The following CAMK2A variants were observed in gnomAD, a reference collection of about 807,000 sequenced individuals.
CAMK2A encodes calcium/calmodulin-dependent protein kinase type II subunit alpha.
A neutral mutation model predicts 79.2 loss-of-function variants in CAMK2A; 7 were observed. The observed-to-expected ratio is 0.09, with a 90% CI of 0.05 to 0.17. The LOEUF is 0.17. Among genes scored for constraint, CAMK2A ranks in the 10% least tolerant of loss-of-function variants. The pLI is 1.00. For synonymous variants in CAMK2A, 242 were observed against 251.7 expected, an observed-to-expected ratio of 0.96 and a Z score of 0.36; for missense variants, 214 against 646.4, an observed-to-expected ratio of 0.33 and a Z score of 7.25.
chr5:150,252,655 A>G (rs189021397), intron 7 of CAMK2A, among the ~76,000 whole-genome samples: 27 of 152,336 alleles, frequency 1.8e-4, no homozygotes, highest in African/African-American at 6.5e-4. Flanking sequence ...AGTTCAAATA[A>G]TGGACACCTG....
chr5:150,260,511 T>C (rs1193683312), intron 3 of CAMK2A, among the ~76,000 whole-genome samples: 2 of 151,590 alleles, frequency 1.3e-5, no homozygotes, highest in African/African-American at 4.8e-5. Flanking sequence ...TTTTGGTGTG[T>C]AGAATCTGGC....
chr5:150,251,681 G>T, intron 9 of CAMK2A, 69 bp downstream of exon 9: 1 of 1,232,094 alleles, frequency 8.1e-7, no homozygotes, highest in Non-Finnish European at 1.1e-6. Flanking sequence ...CTAGAGAGTG[G>T]CTTGGCGCTG....
intron 1 of CAMK2A, among the ~76,000 whole-genome samples, chr5:150,279,873 C>A (rs919608454): frequency 1.3e-5 from 2 of 152,238 alleles, no homozygotes; most frequent in South Asian, 2.1e-4. Context: ...TGCTTTCTAG[C>A]TGCCTGGCAG....
rs373285975 is a variant in CAMK2A at position 150,289,664 on chromosome 5, G to T, written c.-39C>A. 9 of 1,554,776 alleles carry T rather than the reference G, an allele frequency of 5.8e-6. No homozygotes were observed. The African/African-American group carries it at 1.1e-4, about 19-fold the overall frequency. ...AGGCAGGTGAGGCTTGGGACTGGGG[G>T]ACCAGGACTGAGGCGCTGCTGCTCT... On this transcript the variant is annotated 5_prime_UTR_variant, in exon 1 of 19. Coordinates refer to ENST00000671881, the MANE Select transcript of CAMK2A (RefSeq NM_015981.4).
intron 15 of CAMK2A, among the ~76,000 whole-genome samples, chr5:150,238,074 G>A (rs547290233): frequency 1.0e-3 from 159 of 152,260 alleles, no homozygotes; most frequent in African/African-American, 3.6e-3. Flanking sequence ...TACTTCAAAA[G>A]GAACATGTAT....
chr5:150,222,930 C>T, intron 18 of CAMK2A, 59 bp downstream of exon 18: 1 of 1,543,430 alleles, frequency 6.5e-7, no homozygotes, highest in Non-Finnish European at 9.0e-7. Context: ...GTAACCCCCT[C>T]CAGGGCAACA....
At position 150,222,423 on chromosome 5, in the gene CAMK2A, A is replaced by C; in HGVS notation, c.*287T>G. On this transcript the variant is annotated 3_prime_UTR_variant, in exon 19 of 19. Transcript: ENST00000671881. ...AGACAGATCAGGCGGACAGCAGCTG[A>C]GGCTGGGGAGAGGGGGCCAGTGCTG... The C allele has an allele frequency of 4.4e-6, 3 of 682,784 alleles. No individual in the cohort carries two copies. The Admixed American group carries it at 6.1e-5, about 14-fold the overall frequency. The allele number at this position is 682,784 out of a possible 1,614,324, so 42.3% of individuals were successfully genotyped here.
In CAMK2A at chr5:150,256,700, G is replaced by A; in HGVS notation, c.339-55C>T. On this transcript the variant is annotated intron_variant, in intron 5 of 18. Transcript: ENST00000671881. This position sits in a 1 kb window ranked among gnomAD's most constrained non-coding sequence, Gnocchi z 4.6. ...TGGTGTGAGCACAGGCCTCCCCTGG[G>A]AAGCTGACAGCAGGCAAGAGTGCCC... 6.2e-7 allele frequency: 1 copy of A among 1,609,022 alleles called. No individual in the cohort carries two copies. The highest frequency in any genetic ancestry group is 8.5e-7 in the Non-Finnish European group (1 of 1,175,418).
chr5:150,257,788 T>C (rs570475786), intron 3 of CAMK2A, among the ~76,000 whole-genome samples, 171 bp from the exon 4 acceptor site: 10 of 152,172 alleles, frequency 6.6e-5, no homozygotes, highest in Admixed American at 1.3e-4. Context: ...GCTCACTGCA[T>C]TGAGTCCGAA....
chr5:150,254,627 G>T (rs952966894), intron 6 of CAMK2A, among the ~76,000 whole-genome samples: 1 of 152,120 alleles, frequency 6.6e-6, no homozygotes, highest in Non-Finnish European at 1.5e-5. Context: ...ACTTCCTGCT[G>T]GTCCCTTCAC....
In CAMK2A at chr5:150,245,186, C is replaced by A; in HGVS notation, c.959G>T (p.Gly320Val). 1 of 1,613,942 alleles carries A rather than the reference C, an allele frequency of 6.2e-7. No homozygotes were observed. Among genetic ancestry groups the A allele is most frequent in the Non-Finnish European group, 8.5e-7 (1 of 1,179,924 alleles). The part of the protein sequence containing the change: ...TRNFSGGKSG[G>V]NKKSDGVKKR... ...CTTCACACCATCGCTCTTCTTGTTT[C>A]CCCCACTCTTCCCTCCTGTGGAGGA... The change falls in exon 13 of 19, where the codon GGA becomes GTA. Residue 320 changes from glycine to valine, a missense_variant. Gly to Val is a moderately radical substitution (Grantham distance 109). Coordinates refer to ENST00000671881, the MANE Select transcript of CAMK2A (RefSeq NM_015981.4).
At chr5:150,257,177 G>T in intron 4 of CAMK2A, among the ~76,000 whole-genome samples, 1 of 152,066 alleles carries the variant, frequency 6.6e-6, no homozygotes, top group East Asian at 1.9e-4. Flanking sequence ...ATTTTTTATC[G>T]ATGAGACTGG....
At chr5:150,228,736 T>A (rs1266922035) in intron 16 of CAMK2A, among the ~76,000 whole-genome samples, 3 of 152,158 alleles carry the variant, frequency 2.0e-5, no homozygotes, top group Non-Finnish European at 4.4e-5. Flanking sequence ...TTCCTTCACA[T>A]AAAAGTGACT....
chr5:150,241,599 C>G (rs1001044658), intron 13 of CAMK2A, among the ~76,000 whole-genome samples: 16 of 141,130 alleles, frequency 1.1e-4, no homozygotes, highest in Non-Finnish European at 2.3e-4. Flanking sequence ...TGTCCTCTTC[C>G]TCTCCTCTCT....
chr5:150,263,160 C>G (rs1345011668), intron 3 of CAMK2A, among the ~76,000 whole-genome samples: 4 of 152,170 alleles, frequency 2.6e-5, no homozygotes, highest in African/African-American at 4.8e-5. Context: ...GGTGGAGCTA[C>G]ATGTCCAGGG....
Position 150,222,533 on chromosome 5 carries a change from A to T in CAMK2A, c.*177T>A. ...GGGGAGATGTGGCCGTTCGCTCTGA[A>T]GTTGCGATGACTTTTGTGAACAAGC... is the stretch of plus-strand genomic sequence containing the variant. On this transcript the variant is annotated 3_prime_UTR_variant, in exon 19 of 19. Transcript: ENST00000671881. The T allele has an allele frequency of 1.3e-6, 1 of 741,320 alleles. No homozygotes were observed. Among genetic ancestry groups the T allele is most frequent in the Non-Finnish European group, 2.4e-6 (1 of 417,918 alleles). The allele number at this position is 741,320 out of a possible 1,614,324, so 45.9% of individuals were successfully genotyped here.
At chr5:150,269,816 A>AG (rs1279099157) in intron 2 of CAMK2A, among the ~76,000 whole-genome samples, 1 of 152,204 alleles carries the variant, frequency 6.6e-6, no homozygotes, top group Non-Finnish European at 1.5e-5. Context: ...GGCAAGGGGT[A>AG]GGGAGGAGAA....
intron 15 of CAMK2A, among the ~76,000 whole-genome samples, chr5:150,234,661 G>C (rs570375426): frequency 6.6e-6 from 1 of 152,262 alleles, no homozygotes; most frequent in Admixed American, 6.5e-5. Flanking sequence ...ATTATCATCT[G>C]GGAATCTCTG....
At chr5:150,278,420 A>G (rs76410106) in intron 1 of CAMK2A, among the ~76,000 whole-genome samples, 3,698 of 151,304 alleles carry the variant, frequency 0.024, 148 homozygotes, top group African/African-American at 0.085. Flanking sequence ...CTTGTCCTGC[A>G]TGAACAAGTG....
Sources: gnomAD v4.1 joint callset for allele counts (sites outside exome capture counted in the v4.1 genomes callset) on GRCh38, gnomAD v4.1.1 for gene constraint, Gnocchi (gnomAD v3.1) non-coding constraint, MANE v1.5 for transcripts, NCBI Gene and HGNC (gene_info 2026-07-23, HGNC 2026-07-21) for gene names.